AKAP13: variants seen among roughly 807,000 people sequenced by gnomAD.
AKAP13 encodes the protein A-kinase anchor protein 13.
In AKAP13, 80 loss-of-function variants were observed where a neutral mutation model predicts 264.5. That is an observed-to-expected ratio of 0.30 (90% CI 0.25 to 0.36). AKAP13 has a LOEUF of 0.36. AKAP13 is among the 10% of genes least tolerant of loss of function. The pLI, the probability that AKAP13 is intolerant of heterozygous loss-of-function variation, is 1.00. For missense variants in AKAP13, 3,712 were observed against 3,435.2 expected, an observed-to-expected ratio of 1.08 and a Z score of -2.01; for synonymous variants, 1,380 against 1,250.2, an observed-to-expected ratio of 1.10 and a Z score of -2.19.
intron 8 of AKAP13, among the ~76,000 whole-genome samples, chr15:85,626,849 A>G (rs2081432986): frequency 6.6e-6 from 1 of 151,802 alleles, no homozygotes; most frequent in South Asian, 2.1e-4. Flanking sequence ...TGCCTGCACC[A>G]TTTTACATTC....
At chr15:85,446,692 G>T (rs2073909525) in intron 1 of AKAP13, among the ~76,000 whole-genome samples, 1 of 148,334 alleles carries the variant, frequency 6.7e-6, no homozygotes, top group South Asian at 2.1e-4. Flanking sequence ...GCTTTGCCCA[G>T]CCCTTCTTTT....
chr15:85,500,438 C>G (rs1240552963), intron 2 of AKAP13, among the ~76,000 whole-genome samples: 2 of 152,108 alleles, frequency 1.3e-5, no homozygotes, highest in Non-Finnish European at 2.9e-5. Flanking sequence ...TTTCATTGCT[C>G]TCTTTGGAAA....
chr15:85,652,866 G>C (rs2082920934), intron 10 of AKAP13, among the ~76,000 whole-genome samples: 1 of 152,110 alleles, frequency 6.6e-6, no homozygotes, highest in African/African-American at 2.4e-5. Context: ...TTCTCCTCTT[G>C]CAGGGACACC....
chr15:85,487,436 C>T (rs1244066691), intron 2 of AKAP13, among the ~76,000 whole-genome samples: 3 of 152,176 alleles, frequency 2.0e-5, no homozygotes, highest in African/African-American at 7.2e-5. Flanking sequence ...ACATTCCCTT[C>T]TATTCCTAGT....
rs770591309 is a variant in AKAP13, at chr15:85,645,774, T to TG, written c.4238-43dup. 2.7e-5 allele frequency: 39 copies of TG among 1,427,944 alleles called. No individual in the cohort carries two copies. Among genetic ancestry groups the TG allele is most frequent in the South Asian group, 3.9e-5 (3 of 77,706 alleles). 88.5% of individuals were successfully genotyped at this position (1,427,944 alleles called of 1,614,324 possible). ...GGTTCTTTTTGTTTTTTGGTTTTTT[T>TG]GTTTTTTTTTTTTCAATATTGGTGA... On this transcript the variant is annotated intron_variant, in intron 9 of 36. Coordinates refer to ENST00000394518, the MANE Select transcript of AKAP13 (RefSeq NM_007200.5).
intron 14 of AKAP13, among the ~76,000 whole-genome samples, chr15:85,671,999 G>A (rs1044775905): frequency 6.6e-6 from 1 of 151,996 alleles, no homozygotes; most frequent in African/African-American, 2.4e-5. Context: ...TGTGTTTTCA[G>A]TTGCTATCCA....
intron 20 of AKAP13, 184 bp from the exon 21 acceptor site, chr15:85,717,106 T>A (rs1408098686): frequency 1.9e-6 from 1 of 518,612 alleles, no homozygotes; most frequent in African/African-American, 2.0e-5. Context: ...TGATACTAAA[T>A]GCTCCCGACT....
At chr15:85,659,986 A>G (rs1454053475) in intron 12 of AKAP13, among the ~76,000 whole-genome samples, 1 of 152,180 alleles carries the variant, frequency 6.6e-6, no homozygotes, top group Non-Finnish European at 1.5e-5. Flanking sequence ...TAATTATGAA[A>G]GGAGTTTTCT....
At chr15:85,431,150 A>ATTCACAGTGATGGTGT (rs2073008276) in intron 1 of AKAP13, among the ~76,000 whole-genome samples, 1 of 152,196 alleles carries the variant, frequency 6.6e-6, no homozygotes, top group African/African-American at 2.4e-5. Flanking sequence ...CTTCTCAGAC[A>ATTCACAGTGATGGTGT]TTCACAGTGA....
At chr15:85,538,741 G>T (rs939661824) in intron 4 of AKAP13, among the ~76,000 whole-genome samples, 2 of 150,942 alleles carry the variant, frequency 1.3e-5, no homozygotes. Flanking sequence ...CTCCCGCCTC[G>T]GCCTCCCAAA....
chr15:85,704,903 C>T (rs987855876), intron 17 of AKAP13, among the ~76,000 whole-genome samples: 3 of 152,162 alleles, frequency 2.0e-5, no homozygotes, highest in African/African-American at 4.8e-5. Context: ...AAATCACCCA[C>T]GCACAGCTCT....
At chr15:85,602,437 G>C (rs1320828472) in intron 8 of AKAP13, among the ~76,000 whole-genome samples, 1 of 151,492 alleles carries the variant, frequency 6.6e-6, no homozygotes, top group South Asian at 2.1e-4. Context: ...CAGCCTCCCA[G>C]AGTGCTGTGA....
chr15:85,465,107 ATT>A (rs376487830), intron 1 of AKAP13, among the ~76,000 whole-genome samples: 4 of 135,988 alleles, frequency 2.9e-5, no homozygotes, highest in Admixed American at 7.3e-5. Flanking sequence ...CGCCTGGCTA[ATT>A]TTTTTTTTTT....
chr15:85,567,176 C>T (rs1322326610), intron 5 of AKAP13, among the ~76,000 whole-genome samples: 1 of 151,466 alleles, frequency 6.6e-6, no homozygotes, highest in South Asian at 2.1e-4. Context: ...GGTGTGATCT[C>T]GGCTCACTGC....
chr15:85,682,901 A>G (rs912647838), intron 15 of AKAP13, among the ~76,000 whole-genome samples: 2 of 152,150 alleles, frequency 1.3e-5, no homozygotes, highest in East Asian at 1.9e-4. Context: ...TCCCGACCTC[A>G]GGTGATCCAT....
At chr15:85,450,699 A>G (rs2074055413) in intron 1 of AKAP13, among the ~76,000 whole-genome samples, 1 of 151,818 alleles carries the variant, frequency 6.6e-6, no homozygotes, top group African/African-American at 2.4e-5. Flanking sequence ...TCCTATTTTC[A>G]TTGCGCTGTG....
At chr15:85,635,439 T>A (rs150668825) in intron 8 of AKAP13, among the ~76,000 whole-genome samples, 1,857 of 152,284 alleles carry the variant, frequency 0.012, 14 homozygotes, top group Non-Finnish European at 0.019. Context: ...AAGAGTTTCT[T>A]TTATTTTTAA....
intron 8 of AKAP13, among the ~76,000 whole-genome samples, chr15:85,636,528 A>G (rs1289089353): frequency 4.6e-5 from 7 of 152,170 alleles, no homozygotes; most frequent in Non-Finnish European, 7.3e-5. Context: ...TAGGTTTTTT[A>G]TAGATGCCTT....
chr15:85,661,264 G>T (rs1162012825), intron 12 of AKAP13, among the ~76,000 whole-genome samples: 1 of 152,046 alleles, frequency 6.6e-6, no homozygotes. Context: ...TCCAACCCCA[G>T]ATTTTCTGTC....
Sources: gnomAD v4.1 joint callset for allele counts (sites outside exome capture counted in the v4.1 genomes callset) on GRCh38, gnomAD v4.1.1 for gene constraint, MANE v1.5 for transcripts, NCBI Gene and HGNC (gene_info 2026-07-23, HGNC 2026-07-21) for gene names.